The following ME3 variants were observed in gnomAD, a reference collection of about 807,000 sequenced individuals.
The protein encoded by ME3 is malic enzyme 3, also known as NADP-dependent malic enzyme, mitochondrial.
A neutral mutation model predicts 68.9 loss-of-function variants in ME3; 48 were observed. That is an observed-to-expected ratio of 0.70 (90% CI 0.55 to 0.89). The LOEUF (loss-of-function observed/expected upper bound fraction) is 0.89, where lower values mean the gene tolerates loss of function less well. Among genes scored for constraint, ME3 ranks in the 40% least tolerant of loss-of-function variants. The pLI is 0.00. For missense variants in ME3, 675 were observed against 797.4 expected, an observed-to-expected ratio of 0.85 and a Z score of 1.85; for synonymous variants, 320 against 318.8, an observed-to-expected ratio of 1.00 and a Z score of -0.04.
At chr11:86,586,743 A>C (rs939019040) in intron 2 of ME3, among the ~76,000 whole-genome samples, 2 of 152,186 alleles carry the variant, frequency 1.3e-5, no homozygotes, top group Non-Finnish European at 2.9e-5. Context: ...GGGGGAAAAC[A>C]GCTCTGAAAA....
chr11:86,506,598 T>C (rs1953092733), intron 5 of ME3, among the ~76,000 whole-genome samples: 1 of 152,222 alleles, frequency 6.6e-6, no homozygotes, highest in Non-Finnish European at 1.5e-5. Flanking sequence ...TCATTCTTTC[T>C]AGTTCCTCAT....
chr11:86,652,141 G>C (rs771974527), intron 2 of ME3, among the ~76,000 whole-genome samples: 1 of 152,196 alleles, frequency 6.6e-6, no homozygotes, highest in Non-Finnish European at 1.5e-5. Context: ...AAGTGATGGG[G>C]AGAATGGAAC....
chr11:86,669,243 T>C (rs1377571387), intron 2 of ME3, among the ~76,000 whole-genome samples: 1 of 152,220 alleles, frequency 6.6e-6, no homozygotes, highest in East Asian at 1.9e-4. Context: ...GCTGTCAGCC[T>C]CCTTCTAGAT....
intron 7 of ME3, among the ~76,000 whole-genome samples, chr11:86,486,470 C>G (rs935557395): frequency 6.6e-6 from 1 of 152,132 alleles, no homozygotes; most frequent in African/African-American, 2.4e-5. Context: ...CCAGATGAGA[C>G]TTTGTGCAGA....
At chr11:86,555,877 A>G (rs1956900388) in intron 4 of ME3, among the ~76,000 whole-genome samples, 1 of 152,218 alleles carries the variant, frequency 6.6e-6, no homozygotes, top group Non-Finnish European at 1.5e-5. Context: ...GTTCCATTAC[A>G]TATACCAGGT....
intron 4 of ME3, among the ~76,000 whole-genome samples, chr11:86,509,541 C>T (rs1184851591): frequency 6.6e-6 from 1 of 152,160 alleles, no homozygotes; most frequent in African/African-American, 2.4e-5. Context: ...CAGCTTTTTG[C>T]CTGAAGGCAG....
chr11:86,452,448 T>C (rs1949688268), intron 8 of ME3, among the ~76,000 whole-genome samples: 1 of 152,178 alleles, frequency 6.6e-6, no homozygotes, highest in Non-Finnish European at 1.5e-5. Flanking sequence ...TAGTAAATAT[T>C]AATAAATATA....
At chr11:86,507,034 A>G (rs1017514530) in intron 5 of ME3, among the ~76,000 whole-genome samples, 2 of 152,248 alleles carry the variant, frequency 1.3e-5, no homozygotes, top group Admixed American at 6.5e-5. Flanking sequence ...AAAATGAGCT[A>G]GGACTAGGGC....
chr11:86,477,512 C>T (rs1951150931), intron 7 of ME3, among the ~76,000 whole-genome samples: 1 of 152,148 alleles, frequency 6.6e-6, no homozygotes, highest in Non-Finnish European at 1.5e-5. Flanking sequence ...GGGATCAGAT[C>T]CCTGCTCCCC....
chr11:86,567,251 G>GA (rs1395231073), intron 2 of ME3, among the ~76,000 whole-genome samples: 1 of 75,036 alleles, frequency 1.3e-5, no homozygotes, highest in Non-Finnish European at 3.0e-5. Flanking sequence ...AGAAAGGAAG[G>GA]AAGGAAGGAA....
At chr11:86,561,823 C>T (rs1426650203) in intron 2 of ME3, among the ~76,000 whole-genome samples, 1 of 152,158 alleles carries the variant, frequency 6.6e-6, no homozygotes, top group Non-Finnish European at 1.5e-5. Context: ...AACTTTTTCC[C>T]TCTACCCTCT....
At chr11:86,450,085 C>T (rs751139339) in intron 9 of ME3, 83 bp from the exon 10 acceptor site, 1 of 1,192,094 alleles carries the variant, frequency 8.4e-7, no homozygotes, top group Non-Finnish European at 1.2e-6. Context: ...ATAAGGACCC[C>T]CTTTTCTTTC....
At chr11:86,533,210 C>CT (rs1955389964) in intron 4 of ME3, among the ~76,000 whole-genome samples, 1 of 151,690 alleles carries the variant, frequency 6.6e-6, no homozygotes, top group Non-Finnish European at 1.5e-5. Flanking sequence ...ATCAACAAAA[C>CT]TAAGAGTTGG....
intron 8 of ME3, among the ~76,000 whole-genome samples, chr11:86,462,283 C>CA (rs1950259612): frequency 6.6e-6 from 1 of 151,914 alleles, no homozygotes; most frequent in African/African-American, 2.4e-5. Flanking sequence ...CTAGAAATAT[C>CA]AAAAAAATTA....
chr11:86,509,473 T>C (rs755673654), intron 4 of ME3, among the ~76,000 whole-genome samples: 2 of 151,894 alleles, frequency 1.3e-5, no homozygotes, highest in Non-Finnish European at 2.9e-5. Flanking sequence ...CAGACAGATA[T>C]TGGAGGGGAA....
At chr11:86,548,903 C>T (rs1243028129) in intron 4 of ME3, among the ~76,000 whole-genome samples, 1 of 152,230 alleles carries the variant, frequency 6.6e-6, no homozygotes, top group Non-Finnish European at 1.5e-5. Context: ...CCGATGGTCT[C>T]TGTTCACTTT....
intron 4 of ME3, among the ~76,000 whole-genome samples, chr11:86,527,922 C>T (rs185565467): frequency 1.1e-3 from 162 of 152,266 alleles, no homozygotes; most frequent in Non-Finnish European, 1.7e-3. Flanking sequence ...TAGAGACCAT[C>T]GAGGCTAGGA....
At chr11:86,446,960 G>T in intron 12 of ME3, 105 bp downstream of exon 12, 2 of 1,400,804 alleles carry the variant, frequency 1.4e-6, no homozygotes, top group Non-Finnish European at 9.6e-7. Context: ...CTGAAATTCA[G>T]TTTGCTCATC....
At position 86,528,167 on chromosome 11, in the gene ME3, C is replaced by T. The variant is rs181241213; in HGVS notation, c.468-19300G>A. Among the ~76,000 whole-genome samples, 535 of 152,162 alleles carry T rather than the reference C, an allele frequency of 3.5e-3. 6 individuals are homozygous for T. The highest frequency in any genetic ancestry group is 5.7e-3 in the Non-Finnish European group (388 of 68,012). Reference sequence around the variant, plus strand: ...AATAAAGGGATGGAGGAAGATCTACCAAGCAAATGGAAAACAAAAAAAGGC... The same window carrying T: ...AATAAAGGGATGGAGGAAGATCTACTAAGCAAATGGAAAACAAAAAAAGGC... On this transcript the variant is annotated intron_variant, in intron 4 of 14. Coordinates refer to ENST00000543262, the Ensembl canonical transcript of ME3.
Sources: gnomAD v4.1 joint callset for allele counts (sites outside exome capture counted in the v4.1 genomes callset) on GRCh38, gnomAD v4.1.1 for gene constraint, MANE v1.5 for transcripts, NCBI Gene and HGNC (gene_info 2026-07-23, HGNC 2026-07-21) for gene names.